The following CEMIP variants were observed in gnomAD, a reference collection of about 807,000 sequenced individuals.
CEMIP encodes the protein cell migration-inducing and hyaluronan-binding protein.
CEMIP carries 105 observed loss-of-function variants against 156.9 expected under a neutral mutation model. That is an observed-to-expected ratio of 0.67 (90% CI 0.57 to 0.79). The LOEUF (loss-of-function observed/expected upper bound fraction) is 0.79. CEMIP is among the 30% of genes least tolerant of loss of function. CEMIP has a pLI of 0.00. For missense variants in CEMIP, 1,457 were observed against 1,769.4 expected, an observed-to-expected ratio of 0.82 and a Z score of 3.17; for synonymous variants, 676 against 668.4, an observed-to-expected ratio of 1.01 and a Z score of -0.17.
In CEMIP at chr15:80,921,087, G is replaced by A. The variant is rs983936590; in HGVS notation, c.2059G>A (p.Ala687Thr). ...NPNNNLINCA[A>T]AGSEETGFWF... ...CAACAACAACCTCATCAACTGTGCC[G>A]CTGCAGGATCTGAGGTGAGCAGAAA... is the stretch of plus-strand genomic sequence containing the variant. The change falls in exon 16 of 30, where the codon GCT becomes ACT. Residue 687 changes from alanine to threonine, a missense_variant. By Grantham distance (58) the Ala-to-Thr change is moderately conservative. This residue lies in a region of CEMIP where 798 missense variants were observed against 980.1 expected (regional missense o/e 0.81). Coordinates refer to ENST00000394685, the MANE Select transcript of CEMIP (RefSeq NM_001293298.2). 6 of 1,613,918 alleles carry A rather than the reference G, an allele frequency of 3.7e-6. No individual in the cohort carries two copies. Among genetic ancestry groups the A allele is most frequent in the Admixed American group, 3.3e-5 (2 of 60,010 alleles).
At chr15:80,834,282 G>T (rs1897221855) in intron 1 of CEMIP, among the ~76,000 whole-genome samples, 1 of 152,318 alleles carries the variant, frequency 6.6e-6, no homozygotes, top group Admixed American at 6.5e-5. Context: ...GCTCTTAAAG[G>T]TGTTTTTGAT....
In CEMIP at chr15:80,920,208, C is replaced by T; in HGVS notation, c.1912C>T (p.Leu638Phe). 1 of 1,614,178 alleles carries T rather than the reference C, an allele frequency of 6.2e-7. No homozygotes were observed. The highest frequency in any genetic ancestry group is 8.5e-7 in the Non-Finnish European group (1 of 1,180,024). ...CLGLLVKSGT[L>F]LPSDRDSKMC... ...TGGCCTCCTTGTCAAGTCTGGAACC[C>T]TCCTCCCCTCGGACCGTGACAGCAA... Residue 638 changes from leucine (L) to phenylalanine (F), a missense_variant, in exon 15 of 30, where the codon CTC (leucine) becomes TTC (phenylalanine). Physicochemically the swap from Leu to Phe is conservative, Grantham distance 22 (BLOSUM62 0). Transcript: ENST00000394685.
intron 14 of CEMIP, among the ~76,000 whole-genome samples, chr15:80,913,196 G>A (rs546479313): frequency 1.1e-4 from 17 of 152,126 alleles, no homozygotes; most frequent in African/African-American, 2.7e-4. Context: ...TAATTCCCCC[G>A]TGGGCAGCCA....
chr15:80,835,848 A>G lies in CEMIP; in HGVS notation c.-175-37690A>G, dbSNP rs115010936. On this transcript the variant is annotated intron_variant, in intron 1 of 29. Coordinates refer to ENST00000394685, the MANE Select transcript of CEMIP (RefSeq NM_001293298.2). ...TTGCCACAGACAGTCTGGACAGATT[A>G]CAGCTTTGCCCCAACTTGAACCATG... 1.8e-3 allele frequency among the ~76,000 whole-genome samples: 273 copies of G among 152,294 alleles called. 2 individuals carry two copies. The highest frequency in any genetic ancestry group is 6.4e-3 in the African/African-American group (265 of 41,568).
intron 1 of CEMIP, among the ~76,000 whole-genome samples, chr15:80,822,486 A>T (rs1896934486): frequency 6.6e-6 from 1 of 152,132 alleles, no homozygotes; most frequent in Non-Finnish European, 1.5e-5. Flanking sequence ...TGGATTCATG[A>T]GCCTCCCTTT....
chr15:80,849,801 T>C (rs1212800198), intron 1 of CEMIP, among the ~76,000 whole-genome samples: 1 of 152,134 alleles, frequency 6.6e-6, no homozygotes, highest in Non-Finnish European at 1.5e-5. Context: ...CCCGAATGGG[T>C]GGGAAGGGAT....
chr15:80,828,653 A>T (rs1445031523), intron 1 of CEMIP, among the ~76,000 whole-genome samples: 1 of 152,184 alleles, frequency 6.6e-6, no homozygotes, highest in Non-Finnish European at 1.5e-5. Flanking sequence ...CTATTTATGA[A>T]TTTCACACAT....
intron 12 of CEMIP, chr15:80,901,008 T>C (rs1352677363): frequency 2.2e-6 from 1 of 453,624 alleles, no homozygotes; most frequent in East Asian, 7.0e-5. Flanking sequence ...TGAAAATGCA[T>C]GAATCATCTA....
intron 1 of CEMIP, among the ~76,000 whole-genome samples, chr15:80,802,065 A>G (rs896086313): frequency 6.6e-6 from 1 of 152,234 alleles, no homozygotes; most frequent in Non-Finnish European, 1.5e-5. Context: ...CCAAGGGACA[A>G]CTGTACTATT....
chr15:80,810,758 A>C (rs936951555), intron 1 of CEMIP, among the ~76,000 whole-genome samples: 1 of 152,008 alleles, frequency 6.6e-6, no homozygotes, highest in Non-Finnish European at 1.5e-5. Flanking sequence ...TAGTCTCTCC[A>C]TCTACCAAAT....
intron 10 of CEMIP, 87 bp from the exon 11 acceptor site, chr15:80,894,903 T>G: frequency 2.6e-6 from 4 of 1,527,850 alleles, no homozygotes; most frequent in Non-Finnish European, 3.6e-6. Context: ...TTTAGACTTC[T>G]GAGTATATGT....
chr15:80,938,392 G>A (rs1901217849), intron 25 of CEMIP, among the ~76,000 whole-genome samples: 1 of 152,140 alleles, frequency 6.6e-6, no homozygotes. Context: ...GGATCACAAG[G>A]TCAGGAGTTC....
intron 12 of CEMIP, among the ~76,000 whole-genome samples, chr15:80,901,173 T>C (rs935810082): frequency 3.3e-5 from 5 of 152,132 alleles, no homozygotes; most frequent in African/African-American, 9.7e-5. Flanking sequence ...AGAATGCCAC[T>C]ATTAGCTAGA....
At position 80,895,043 on chromosome 15, in the gene CEMIP, C is replaced by T; in HGVS notation, c.1140C>T (p.Gly380=). The change falls in exon 11 of 30, where the codon GGC becomes GGT. Residue 380 remains glycine (G), a synonymous_variant. Coordinates refer to ENST00000394685, the MANE Select transcript of CEMIP (RefSeq NM_001293298.2). ...GCACCGAGGTTGTCTACAAAAAAGG[C>T]CAGGATTATAGGTTTGCTTGCTACG... ...NLSTEVVYKK[G]QDYRFACYDR... 1 of 1,614,142 alleles carries T rather than the reference C, an allele frequency of 6.2e-7. No homozygotes were observed. The highest frequency in any genetic ancestry group is 8.5e-7 in the Non-Finnish European group (1 of 1,180,014).
intron 1 of CEMIP, among the ~76,000 whole-genome samples, chr15:80,783,378 GGTGTTTGAT>G (rs1348991792): frequency 2.6e-5 from 4 of 152,196 alleles, no homozygotes; most frequent in African/African-American, 7.2e-5. Context: ...CACATACCCA[GGTGTTTGAT>G]CTTATCAGGG....
At chr15:80,871,705 T>C (rs1459880706) in intron 1 of CEMIP, among the ~76,000 whole-genome samples, 1 of 152,184 alleles carries the variant, frequency 6.6e-6, no homozygotes, top group Non-Finnish European at 1.5e-5. Flanking sequence ...CAGCAAACTA[T>C]TCATACCTTT....
At chr15:80,861,973 C>G (rs995125471) in intron 1 of CEMIP, among the ~76,000 whole-genome samples, 7 of 152,170 alleles carry the variant, frequency 4.6e-5, no homozygotes, top group African/African-American at 1.7e-4. Context: ...GCTGCCGGCT[C>G]TGAGGAGCCA....
At chr15:80,871,843 C>G (rs191935963) in intron 1 of CEMIP, among the ~76,000 whole-genome samples, 72 of 152,304 alleles carry the variant, frequency 4.7e-4, no homozygotes, top group African/African-American at 1.6e-3. Context: ...CACTCCTCTT[C>G]TGGGGGCCAT....
intron 14 of CEMIP, among the ~76,000 whole-genome samples, chr15:80,917,640 A>G (rs1268611813): frequency 2.6e-5 from 4 of 152,232 alleles, no homozygotes; most frequent in Non-Finnish European, 5.9e-5. Flanking sequence ...CTAAAGATGA[A>G]GGGAAGGATG....
Sources: allele counts gnomAD v4.1 joint callset (sites outside exome capture counted in the v4.1 genomes callset), GRCh38; gene constraint gnomAD v4.1.1; regional missense constraint gnomAD v4.1.1; transcripts MANE v1.5; gene names NCBI Gene and HGNC (gene_info 2026-07-23, HGNC 2026-07-21).